The following AWAT2 variants were observed in gnomAD, a reference collection of about 807,000 sequenced individuals.
The protein encoded by AWAT2 is 11-cis-RE-synthase.
AWAT2 carries 9 observed loss-of-function variants against 22.3 expected under a neutral mutation model. The observed-to-expected ratio is 0.40, with a 90% CI of 0.24 to 0.70. The LOEUF is 0.70. Among genes scored for constraint, AWAT2 ranks in the 30% least tolerant of loss-of-function variants. The probability of loss-of-function intolerance (pLI) is 0.36; values close to 1 mark genes in which losing one functional copy is unlikely to be tolerated. For synonymous variants in AWAT2, 100 were observed against 93.4 expected (o/e 1.07, Z -0.40); for missense variants, 217 against 265.9 (o/e 0.82, Z 1.28).
intron 1 of AWAT2, among the ~76,000 whole-genome samples, chrX:70,048,312 C>A (rs138148032): frequency 0.013 from 1,413 of 111,587 alleles, 14 homozygotes; most frequent in Non-Finnish European, 0.017. Flanking sequence ...CAAAGCCCTA[C>A]ACAATCTGTC....
In AWAT2 at chrX:70,041,947, G is replaced by T; in HGVS notation, c.863C>A (p.Pro288Gln). 3.3e-6 allele frequency: 4 copies of T among 1,211,214 alleles called. No individual in the cohort carries two copies. The highest frequency in any genetic ancestry group is 4.5e-6 in the Non-Finnish European group (4 of 894,937). The change falls in exon 7 of 8, where the codon CCA becomes CAA. Residue 288 changes from proline to glutamine, a missense_variant. Physicochemically the swap from Pro to Gln is moderately conservative, Grantham distance 76. Transcript: ENST00000276101. ...GCTTGGATTCTCAATCTTGGGCATTGGTAGAGGCTCCCCGACTGCCAGGGG... is the reference window on the plus strand; with the variant it reads ...GCTTGGATTCTCAATCTTGGGCATTTGTAGAGGCTCCCCGACTGCCAGGGG... ...PVTTIVGEPL[P>Q]MPKIENPSQE...
intron 3 of AWAT2, 75 bp downstream of exon 3, chrX:70,043,851 C>G (rs1450593626): frequency 1.8e-6 from 2 of 1,096,100 alleles, no homozygotes; most frequent in East Asian, 6.6e-5. Flanking sequence ...CGCCCTCCAC[C>G]CCTAGCCTGA....
chrX:70,043,737 T>A (rs764297849), intron 3 of AWAT2, 55 bp from the exon 4 acceptor site: 71 of 1,097,275 alleles, frequency 6.5e-5, no homozygotes, highest in Admixed American at 5.3e-5. Flanking sequence ...AACTTCTCTT[T>A]TGGGCAGAGA....
Position 70,043,221 on chromosome X carries a change from G to C in AWAT2, c.495C>G (p.Ser165=). The stretch of plus-strand genomic sequence containing the variant: ...TATGAGTCAGCAGAAAGTCAATGGA[G>C]GATCGACTCACAGAGCAGGCCCCTG... ...MSTGACSVSR[S]SIDFLLTHKG... The change falls in exon 5 of 8, where the codon TCC becomes TCG. Residue 165 remains serine, a synonymous_variant. Coordinates refer to ENST00000276101, the MANE Select transcript of AWAT2 (RefSeq NM_001002254.1). The C allele has an allele frequency of 2.5e-6, 3 of 1,205,266 alleles. No individual in the cohort carries two copies. The highest frequency in any genetic ancestry group is 2.2e-6 in the Non-Finnish European group (2 of 892,339).
chrX:70,044,800 G>A (rs1361217042), intron 1 of AWAT2, among the ~76,000 whole-genome samples: 1 of 112,526 alleles, frequency 8.9e-6, no homozygotes, highest in Admixed American at 9.4e-5. Flanking sequence ...CCAGCGGTGG[G>A]CCACCAGAGG....
At chrX:70,045,865 A>C (rs2020358320) in intron 1 of AWAT2, among the ~76,000 whole-genome samples, 1 of 111,284 alleles carries the variant, frequency 9.0e-6, no homozygotes, top group Admixed American at 9.6e-5. Flanking sequence ...GGCAGCAAGC[A>C]GGGCCAGGGA....
Position 70,043,103 on chromosome X carries a change from G to A in AWAT2, c.613C>T (p.Arg205Trp), listed in dbSNP as rs149057687. ...AGGGCCATGCGCACAAAGCCAGACC[G>A]GTTCTTCAACACCAGGGTAGAAGAA... is the stretch of plus-strand genomic sequence containing the variant. ...PGSSTLVLKN[R>W]SGFVRMALQH... Residue 205 changes from arginine to tryptophan, a missense_variant, in exon 5 of 8, where the codon CGG becomes TGG. Arg to Trp is a moderately radical substitution (Grantham distance 101, BLOSUM62 -3). Transcript: ENST00000276101. 24 of 1,193,970 alleles carry A rather than the reference G, an allele frequency of 2.0e-5. No individual in the cohort carries two copies. The highest frequency in any genetic ancestry group is 2.6e-5 in the Non-Finnish European group (23 of 887,322).
At chrX:70,042,700 C>T in intron 5 of AWAT2, 1 of 414,815 alleles carries the variant, frequency 2.4e-6, no homozygotes. Context: ...CTAAGCTTGG[C>T]TCTCTCTGAG....
Position 70,042,170 on chromosome X carries a change from C to T in AWAT2, c.847+17G>A. On this transcript the variant is annotated intron_variant, in intron 6 of 7. Transcript: ENST00000276101. ...CTGTGTCCTAGACTCAGGCTGCCAG[C>T]AGAAACGCCCACTCACCGATGGTGG... The T allele has an allele frequency of 8.4e-7, 1 of 1,192,630 alleles. No homozygotes were observed. Among genetic ancestry groups the T allele is most frequent in the Non-Finnish European group, 1.1e-6 (1 of 884,265 alleles).
rs755651655 is a variant in AWAT2, at chrX:70,042,204, C to T, written c.830G>A (p.Arg277Gln). ...KNSWGLLPYS[R>Q]PVTTIVGEPL... ...CCACTCACCGATGGTGGTTACAGGC[C>T]GACTATAGGGCAGAAGGCCCCAGGA... Residue 277 changes from arginine (R) to glutamine (Q), a missense_variant, in exon 6 of 8, where the codon CGG becomes CAG. Transcript: ENST00000276101. 2.5e-6 allele frequency: 3 copies of T among 1,208,159 alleles called. No individual in the cohort carries two copies. The highest frequency in any genetic ancestry group is 1.8e-5 in the South Asian group (1 of 56,317).
intron 1 of AWAT2, among the ~76,000 whole-genome samples, chrX:70,047,562 G>T (rs764717998): frequency 1.8e-5 from 2 of 112,226 alleles, no homozygotes; most frequent in Admixed American, 9.4e-5. Flanking sequence ...GCCACTTACT[G>T]TGTGTGACCA....
Position 70,041,815 on chromosome X carries a change from A to G in AWAT2, c.995T>C (p.Ile332Thr), listed in dbSNP as rs1284452878. The change falls in exon 7 of 8, where the codon ATA becomes ACA. Residue 332 changes from isoleucine to threonine, a missense_variant. Coordinates refer to ENST00000276101, the MANE Select transcript of AWAT2 (RefSeq NM_001002254.1). ...GGCTACTGGGGATGTCTGTCAAATTATCTCCAGCTCCTGGGTCTCTGAGAT... is the reference window on the plus strand; with the variant it reads ...GGCTACTGGGGATGTCTGTCAAATTGTCTCCAGCTCCTGGGTCTCTGAGAT... The part of the protein sequence containing the change: ...FGISETQELE[I>T]I The G allele has an allele frequency of 1.7e-6, 2 of 1,210,887 alleles. No homozygotes were observed. The highest frequency in any genetic ancestry group is 1.8e-5 in the South Asian group (1 of 56,751).
At chrX:70,042,916 T>A in intron 5 of AWAT2, 153 bp downstream of exon 5, 1 of 476,955 alleles carries the variant, frequency 2.1e-6, no homozygotes, top group Non-Finnish European at 3.2e-6. Flanking sequence ...AATTGACAAA[T>A]AAAACTTATC....
chrX:70,043,866 A>G (rs1239514415), intron 3 of AWAT2, 60 bp downstream of exon 3: 35 of 1,126,662 alleles, frequency 3.1e-5, no homozygotes, highest in Non-Finnish European at 4.2e-5. Context: ...GCCTGACCCA[A>G]CTGCTAGCAC....
intron 1 of AWAT2, among the ~76,000 whole-genome samples, chrX:70,048,887 A>C (rs2020380526): frequency 1.8e-5 from 2 of 112,200 alleles, no homozygotes; most frequent in African/African-American, 6.5e-5. Flanking sequence ...TATGTTGGAC[A>C]TTCAGCATGA....
In AWAT2 at chrX:70,043,216, A is replaced by G. The variant is rs1311210022; in HGVS notation, c.500T>C (p.Ile167Thr). The part of the protein sequence containing the change: ...TGACSVSRSS[I>T]DFLLTHKGTG... ...GCCTTTATGAGTCAGCAGAAAGTCAATGGAGGATCGACTCACAGAGCAGGC... is the reference window on the plus strand; with the variant it reads ...GCCTTTATGAGTCAGCAGAAAGTCAGTGGAGGATCGACTCACAGAGCAGGC... The change falls in exon 5 of 8, where the codon ATT becomes ACT. Residue 167 changes from isoleucine (I) to threonine (T), a missense_variant. By Grantham distance (89) the Ile-to-Thr change is moderately conservative (BLOSUM62 -1). Coordinates refer to ENST00000276101, the MANE Select transcript of AWAT2 (RefSeq NM_001002254.1). 12 of 1,204,322 alleles carry G rather than the reference A, an allele frequency of 1.0e-5. No homozygotes were observed. Among genetic ancestry groups the G allele is most frequent in the South Asian group, 3.6e-5 (2 of 55,193 alleles).
At chrX:70,049,078 C>T (rs763911971) in intron 1 of AWAT2, among the ~76,000 whole-genome samples, 1 of 112,036 alleles carries the variant, frequency 8.9e-6, no homozygotes, top group South Asian at 3.7e-4. Context: ...AGTAGTAGAA[C>T]TGGAATTTGA....
chrX:70,042,339 T>C lies in AWAT2; in HGVS notation c.695A>G (p.Asp232Gly), dbSNP rs2020333306. The C allele has an allele frequency of 8.3e-7, 1 of 1,210,495 alleles. No homozygotes were observed. The highest frequency in any genetic ancestry group is 3.0e-5 in the East Asian group (1 of 33,762). The change falls in exon 6 of 8, where the codon GAT becomes GGT. Residue 232 changes from aspartate to glycine, a missense_variant. Physicochemically the swap from Asp to Gly is moderately conservative, Grantham distance 94 (BLOSUM62 -1). Transcript: ENST00000276101. ...AYAFGETDLY[D>G]QHIFTPGGFV... is the part of the protein sequence containing the mutation. The stretch of plus-strand genomic sequence containing the variant: ...GCCACCAGGAGTGAAAATGTGCTGA[T>C]CATAGAGGTCCGTCTCCCCAAAGGC...
chrX:70,043,132 G>A lies in AWAT2; in HGVS notation c.584C>T (p.Pro195Leu). 2 of 1,201,872 alleles carry A rather than the reference G, an allele frequency of 1.7e-6. No individual in the cohort carries two copies. The highest frequency in any genetic ancestry group is 2.2e-6 in the Non-Finnish European group (2 of 890,525). Residue 195 changes from proline to leucine, a missense_variant, in exon 5 of 8, where the codon CCA becomes CTA. Physicochemically the swap from Pro to Leu is moderately conservative, Grantham distance 98. Coordinates refer to ENST00000276101, the MANE Select transcript of AWAT2 (RefSeq NM_001002254.1). ...GGLAECRYSL[P>L]GSSTLVLKNR... ...CTTCAACACCAGGGTAGAAGAACCT[G>A]GCAGGCTGTATCTGCACTCAGCCAG... is the stretch of plus-strand genomic sequence containing the variant.
Sources: allele counts gnomAD v4.1 joint callset (sites outside exome capture counted in the v4.1 genomes callset), GRCh38; gene constraint gnomAD v4.1.1; transcripts MANE v1.5; gene names NCBI Gene and HGNC (gene_info 2026-07-23, HGNC 2026-07-21).